TENM1: variants seen among roughly 807,000 people sequenced by gnomAD.
The protein encoded by TENM1 is teneurin transmembrane protein 1.
Under a neutral mutation model 174.8 loss-of-function variants are expected in TENM1, and 35 were observed. That is an observed-to-expected ratio of 0.20 (90% CI 0.15 to 0.27). The LOEUF (loss-of-function observed/expected upper bound fraction) is 0.27. Among genes scored for constraint, TENM1 ranks in the 10% least tolerant of loss-of-function variants. The pLI, the probability that TENM1 is intolerant of heterozygous loss-of-function variation, is 1.00. For synonymous variants in TENM1, 781 were observed against 798.7 expected, an observed-to-expected ratio of 0.98 and a Z score of 0.37; for missense variants, 1,633 against 2,130.1, an observed-to-expected ratio of 0.77 and a Z score of 4.59.
At chrX:124,810,005 G>A (rs753362484) in intron 3 of TENM1, among the ~76,000 whole-genome samples, 11 of 111,158 alleles carry the variant, frequency 9.9e-5, no homozygotes, top group African/African-American at 3.6e-4. Context: ...CCCAACATGT[G>A]GGGATTACAA....
chrX:124,934,524 G>C (rs2058217629), intron 1 of TENM1, among the ~76,000 whole-genome samples: 1 of 111,766 alleles, frequency 8.9e-6, no homozygotes, highest in South Asian at 3.8e-4. Context: ...GGACAGAAGG[G>C]AAAGGAAAAT....
the TENM1 span, among the ~76,000 whole-genome samples, chrX:125,000,086 ACTACT>A: frequency 4.5e-5 from 5 of 111,835 alleles, no homozygotes; most frequent in South Asian, 7.4e-4. Context: ...ACTTGTTTAC[ACTACT>A]CTACTGCAAA....
the TENM1 span, among the ~76,000 whole-genome samples, chrX:125,132,642 T>C: frequency 8.9e-6 from 1 of 111,904 alleles, no homozygotes; most frequent in African/African-American, 3.3e-5. Context: ...TATTATCTCA[T>C]TAAATATCCA....
At chrX:124,927,793 A>G (rs1485636097) in intron 1 of TENM1, among the ~76,000 whole-genome samples, 1 of 111,509 alleles carries the variant, frequency 9.0e-6, no homozygotes, top group African/African-American at 3.3e-5. Context: ...AATAAATTGC[A>G]CTGTAGGGAA....
chrX:125,065,678 T>C, the TENM1 span, among the ~76,000 whole-genome samples: 1 of 112,393 alleles, frequency 8.9e-6, no homozygotes, highest in Non-Finnish European at 1.9e-5. Context: ...TATGATTTAA[T>C]TCCACTTTCC....
In TENM1 at chrX:124,539,227, G is replaced by A. The variant is rs184063093; in HGVS notation, c.2651+7647C>T. Among the ~76,000 whole-genome samples, 15 of 111,686 alleles carry A rather than the reference G, an allele frequency of 1.3e-4. No homozygotes were observed. The East Asian group carries it at 3.7e-3, about 27-fold the overall frequency. On this transcript the variant is annotated intron_variant, in intron 15 of 31. Transcript: ENST00000422452. Reference sequence around the variant, plus strand: ...TTAAAATCTATTGCATAGGGGTCCAGGTGGCAAGAAACATTTATACCAAGA... The same window carrying A: ...TTAAAATCTATTGCATAGGGGTCCAAGTGGCAAGAAACATTTATACCAAGA...
At chrX:124,460,765 T>A (rs1603275533) in intron 22 of TENM1, among the ~76,000 whole-genome samples, 1 of 109,570 alleles carries the variant, frequency 9.1e-6, no homozygotes, top group Non-Finnish European at 1.9e-5. Flanking sequence ...AAAATGCTAG[T>A]TTAACACAAG....
intron 27 of TENM1, among the ~76,000 whole-genome samples, chrX:124,403,275 C>A (rs1424806948): frequency 2.7e-5 from 3 of 110,565 alleles, no homozygotes. Flanking sequence ...AATCCCAGCA[C>A]TTTGGGAGGC....
intron 3 of TENM1, among the ~76,000 whole-genome samples, chrX:124,748,980 T>C (rs2054000104): frequency 8.9e-6 from 1 of 111,767 alleles, no homozygotes; most frequent in Non-Finnish European, 1.9e-5. Context: ...ATGAAATCTA[T>C]AAAATCAGGT....
At chrX:124,480,539 G>A (rs1477675158) in intron 22 of TENM1, among the ~76,000 whole-genome samples, 2 of 112,252 alleles carry the variant, frequency 1.8e-5, no homozygotes, top group African/African-American at 6.5e-5. Context: ...ACAGAACAGC[G>A]TTGTATAATA....
At chrX:124,945,458 A>G (rs1255047808) in intron 1 of TENM1, among the ~76,000 whole-genome samples, 1 of 111,162 alleles carries the variant, frequency 9.0e-6, no homozygotes, top group Non-Finnish European at 1.9e-5. Flanking sequence ...AGAGCATAAA[A>G]GGAGAGAAAT....
At chrX:125,157,068 G>A in the TENM1 span, among the ~76,000 whole-genome samples, 2 of 112,246 alleles carry the variant, frequency 1.8e-5, no homozygotes, top group Non-Finnish European at 3.8e-5. Flanking sequence ...TTGCACATTA[G>A]AATCACCTGG....
chrX:124,393,720 G>C (rs2060305665), intron 27 of TENM1, among the ~76,000 whole-genome samples: 1 of 111,460 alleles, frequency 9.0e-6, no homozygotes, highest in Admixed American at 9.6e-5. Context: ...GCTTTTAGGG[G>C]ACAGACTTCT....
At chrX:124,477,613 G>C (rs774512022) in intron 22 of TENM1, among the ~76,000 whole-genome samples, 1 of 110,981 alleles carries the variant, frequency 9.0e-6, no homozygotes, top group Non-Finnish European at 1.9e-5. Flanking sequence ...TGAGCCAGGC[G>C]TGGTGGCCCC....
intron 23 of TENM1, among the ~76,000 whole-genome samples, chrX:124,451,278 C>T (rs887731881): frequency 5.5e-5 from 6 of 109,145 alleles, no homozygotes; most frequent in African/African-American, 1.7e-4. Context: ...TCCTCACTGG[C>T]CTAAAAAAAA....
chrX:124,641,803 C>A, exon 11 of TENM1: 1 of 1,211,062 alleles, frequency 8.3e-7, no homozygotes, highest in Non-Finnish European at 1.1e-6. Flanking sequence ...GTTGAGCAGT[C>A]AGATCCTGTC....
At chrX:124,392,393 C>T in intron 27 of TENM1, 45 bp from the exon 31 acceptor site, 1 of 1,008,273 alleles carries the variant, frequency 9.9e-7, no homozygotes, top group Non-Finnish European at 1.4e-6. Context: ...CAGCCTTGTT[C>T]CCCTCATTAG....
chrX:124,913,919 G>A (rs1378913277), intron 1 of TENM1, among the ~76,000 whole-genome samples: 3 of 111,661 alleles, frequency 2.7e-5, no homozygotes, highest in East Asian at 2.8e-4. Context: ...GGCAAACACT[G>A]TGCTATACAC....
intron 23 of TENM1, among the ~76,000 whole-genome samples, chrX:124,448,459 T>C (rs2283769): frequency 0.44 from 49,161 of 110,621 alleles, 8,623 homozygotes; most frequent in Non-Finnish European, 0.55. Flanking sequence ...ATGCAACAGC[T>C]AGAATGATCT....
Sources: allele counts gnomAD v4.1 joint callset (sites outside exome capture counted in the v4.1 genomes callset), GRCh38; gene constraint gnomAD v4.1.1; transcripts MANE v1.5; gene names NCBI Gene and HGNC (gene_info 2026-07-23, HGNC 2026-07-21).